JAK2: variants seen among roughly 807,000 people sequenced by gnomAD.
JAK2 encodes the protein Janus kinase 2, also known as tyrosine-protein kinase JAK2.
A neutral mutation model predicts 139.3 loss-of-function variants in JAK2; 86 were observed. That is an observed-to-expected ratio of 0.62 (90% CI 0.52 to 0.74). The LOEUF is 0.74. Ranked by LOEUF, JAK2 falls within the 30% of genes least tolerant of loss-of-function variation. The pLI is 0.00. For missense variants in JAK2, 1,421 were observed against 1,360.3 expected (o/e 1.04, Z -0.70); for synonymous variants, 490 against 437.7 (o/e 1.12, Z -1.49).
intron 2 of JAK2, among the ~76,000 whole-genome samples, chr9:4,990,975 T>C (rs1311406292): frequency 6.6e-6 from 1 of 152,234 alleles, no homozygotes; most frequent in East Asian, 1.9e-4. Context: ...TATCGTCTTA[T>C]ATATCACACT....
At chr9:5,069,255 T>A (rs757562828) in intron 11 of JAK2, 47 bp downstream of exon 11, 15 of 1,318,358 alleles carry the variant, frequency 1.1e-5, no homozygotes, top group Non-Finnish European at 1.5e-5. Flanking sequence ...CATGGATTGT[T>A]TATGTGGCGT....
chr9:4,992,876 T>G (rs1820339336), intron 2 of JAK2, among the ~76,000 whole-genome samples: 1 of 152,228 alleles, frequency 6.6e-6, no homozygotes, highest in Non-Finnish European at 1.5e-5. Context: ...TGATTAGGTC[T>G]CAGTCCTGCT....
At chr9:5,050,170 G>T (rs541559864) in intron 5 of JAK2, among the ~76,000 whole-genome samples, 64 of 152,238 alleles carry the variant, frequency 4.2e-4, no homozygotes, top group Middle Eastern at 3.4e-3. Context: ...AATGAAATAG[G>T]TTGATGTTAT....
In JAK2 at chr9:5,077,600, T is replaced by A. The variant is rs1819391490; in HGVS notation, c.1992+20T>A. 2 of 1,417,144 alleles carry A rather than the reference T, an allele frequency of 1.4e-6. No individual in the cohort carries two copies. The highest frequency in any genetic ancestry group is 1.9e-6 in the Non-Finnish European group (2 of 1,069,214). The allele number at this position is 1,417,144 out of a possible 1,614,324, so 87.8% of individuals were successfully genotyped here. A position where few individuals can be genotyped will look rare whatever the true frequency, so the allele number is the denominator to read the frequency against. On this transcript the variant is annotated intron_variant, in intron 15 of 24. Transcript: ENST00000381652. Reference sequence around the variant, plus strand: ...TTTCTAGTAAGTAGTACAACCTTTTTATCAAAAGATACTATTTTATTTTAT... The same window carrying A: ...TTTCTAGTAAGTAGTACAACCTTTTAATCAAAAGATACTATTTTATTTTAT...
intron 22 of JAK2, among the ~76,000 whole-genome samples, chr9:5,104,874 A>G (rs552160736): frequency 6.6e-6 from 1 of 152,098 alleles, no homozygotes; most frequent in Non-Finnish European, 1.5e-5. Context: ...CATGCCAAAA[A>G]CTCTCAATAA....
intron 3 of JAK2, among the ~76,000 whole-genome samples, chr9:5,024,925 C>T (rs1822682360): frequency 6.6e-6 from 1 of 152,168 alleles, no homozygotes; most frequent in South Asian, 2.1e-4. Context: ...CACCAATTGC[C>T]ATCTTCAAGA....
intron 9 of JAK2, 125 bp downstream of exon 9, chr9:5,065,165 A>T: frequency 1.9e-6 from 1 of 520,906 alleles, no homozygotes; most frequent in Non-Finnish European, 3.1e-6. Context: ...TTTAAACAAA[A>T]GGCTATTTGC....
intron 4 of JAK2, among the ~76,000 whole-genome samples, chr9:5,043,974 T>C (rs1359155811): frequency 1.3e-5 from 2 of 152,236 alleles, no homozygotes; most frequent in African/African-American, 2.4e-5. Context: ...ATAAAGGTGT[T>C]ACTAAAAGAC....
intron 5 of JAK2, among the ~76,000 whole-genome samples, chr9:5,047,976 T>G (rs755551564): frequency 7.2e-5 from 11 of 152,204 alleles, no homozygotes; most frequent in Middle Eastern, 3.2e-3. Context: ...TAGTATTTAT[T>G]ATGTTTTGGC....
intron 4 of JAK2, among the ~76,000 whole-genome samples, chr9:5,036,134 G>A (rs1226880637): frequency 6.6e-6 from 1 of 152,158 alleles, no homozygotes; most frequent in Non-Finnish European, 1.5e-5. Context: ...ATTCACAATT[G>A]CTTCAAAGAG....
chr9:4,996,928 C>CTTTTTT (rs1166992356), intron 2 of JAK2, among the ~76,000 whole-genome samples: 17 of 94,652 alleles, frequency 1.8e-4, no homozygotes, highest in Admixed American at 2.3e-4. Flanking sequence ...TTAGTTTGTT[C>CTTTTTT]TTTTTTTTTT....
rs550032664 is a variant in JAK2 at position 5,031,018 on chromosome 9, G to C, written c.350+1112G>C. ...AGCTACAAAAACCCTTAACTAACCA[G>C]GAATGGTCTTAATAAGAAAAAACAG... On this transcript the variant is annotated intron_variant, in intron 4 of 24. Coordinates refer to ENST00000381652, the MANE Select transcript of JAK2 (RefSeq NM_004972.4). Among the ~76,000 whole-genome samples, 7 of 152,024 alleles carry C rather than the reference G, an allele frequency of 4.6e-5. 1 individual carries two copies. The South Asian group carries it at 1.5e-3, about 32-fold the overall frequency.
chr9:5,065,543 G>C (rs1280019768), intron 9 of JAK2, among the ~76,000 whole-genome samples: 1 of 152,180 alleles, frequency 6.6e-6, no homozygotes, highest in Non-Finnish European at 1.5e-5. Flanking sequence ...CTAGCTACAT[G>C]TGGCTGTTTA....
intron 2 of JAK2, among the ~76,000 whole-genome samples, chr9:4,987,018 G>A (rs150900932): frequency 2.6e-5 from 4 of 152,236 alleles, no homozygotes; most frequent in Non-Finnish European, 4.4e-5. Context: ...TCCCCCATCC[G>A]CCTCACCTTA....
At chr9:5,124,038 TC>T (rs1226332367) in intron 23 of JAK2, among the ~76,000 whole-genome samples, 1 of 151,688 alleles carries the variant, frequency 6.6e-6, no homozygotes, top group Non-Finnish European at 1.5e-5. Flanking sequence ...ATCTCCTTTG[TC>T]CACTTTTTAA....
At chr9:5,056,362 T>C (rs931094298) in intron 8 of JAK2, among the ~76,000 whole-genome samples, 2 of 152,128 alleles carry the variant, frequency 1.3e-5, no homozygotes, top group African/African-American at 4.8e-5. Flanking sequence ...AAGTTTCTCA[T>C]TTATCTTCTC....
At chr9:5,076,691 C>G (rs12340895) in intron 14 of JAK2, among the ~76,000 whole-genome samples, 37,301 of 151,886 alleles carry the variant, frequency 0.25, 4,838 homozygotes, top group South Asian at 0.3. Context: ...ATTTTAGTGC[C>G]TCACAAAGTT....
intron 22 of JAK2, among the ~76,000 whole-genome samples, chr9:5,113,328 G>C (rs1252900384): frequency 6.7e-6 from 1 of 148,692 alleles, no homozygotes; most frequent in African/African-American, 2.5e-5. Context: ...ACTTGAGGGA[G>C]ATGCTGTGGA....
At chr9:5,115,765 C>G (rs1171179758) in intron 22 of JAK2, among the ~76,000 whole-genome samples, 1 of 152,056 alleles carries the variant, frequency 6.6e-6, no homozygotes, top group Non-Finnish European at 1.5e-5. Context: ...TTTGCAGGGA[C>G]AAAGATGAAG....
Sources: gnomAD v4.1 joint callset for allele counts (sites outside exome capture counted in the v4.1 genomes callset) on GRCh38, gnomAD v4.1.1 for gene constraint, MANE v1.5 for transcripts, NCBI Gene and HGNC (gene_info 2026-07-23, HGNC 2026-07-21) for gene names.